KIF1A: variants seen among roughly 807,000 people sequenced by gnomAD.
The protein encoded by KIF1A is kinesin family member 1A, also known as kinesin-like protein KIF1A.
KIF1A carries 46 observed loss-of-function variants against 227.3 expected under a neutral mutation model. The ratio of observed to expected loss-of-function variants is 0.20; its 90% CI spans 0.16 to 0.26. The LOEUF (loss-of-function observed/expected upper bound fraction) is 0.26, where lower values mean the gene tolerates loss of function less well. Among genes scored for constraint, KIF1A ranks in the 10% least tolerant of loss-of-function variants. KIF1A has a pLI of 1.00. For synonymous variants in KIF1A, 1,022 were observed against 1,012.8 expected, an observed-to-expected ratio of 1.01 and a Z score of -0.17; for missense variants, 1,683 against 2,485.9, an observed-to-expected ratio of 0.68 and a Z score of 6.87.
At chr2:240,810,715 C>T (rs942572599) in intron 1 of KIF1A, among the ~76,000 whole-genome samples, 8 of 152,202 alleles carry the variant, frequency 5.3e-5, no homozygotes, top group Non-Finnish European at 2.9e-5. Flanking sequence ...ACAAGCAGCA[C>T]TCCACAGACT....
chr2:240,725,654 G>A lies in KIF1A; in HGVS notation c.4123-250C>T, dbSNP rs1575525993. 2.1e-6 allele frequency: 1 copy of A among 485,844 alleles called. No individual in the cohort carries two copies. The highest frequency in any genetic ancestry group is 3.7e-5 in the East Asian group (1 of 27,172). 30.1% of individuals were successfully genotyped at this position (485,844 alleles called of 1,614,324 possible). A position where few individuals can be genotyped will look rare whatever the true frequency, so the allele number is the denominator to read the frequency against. The stretch of plus-strand genomic sequence containing the variant: ...CCTGAGGGACTGGTCTCCATGTGTG[G>A]GGACCCCGAGGGTCCCAGACATAGG... On this transcript the variant is annotated intron_variant, in intron 39 of 48. Coordinates refer to ENST00000498729, the MANE Select transcript of KIF1A (RefSeq NM_001244008.2). This position sits in a 1 kb window ranked among gnomAD's most constrained non-coding sequence, Gnocchi z 5.8.
chr2:240,756,242 G>T (rs1192372847), intron 27 of KIF1A, among the ~76,000 whole-genome samples: 1 of 152,142 alleles, frequency 6.6e-6, no homozygotes, highest in Non-Finnish European at 1.5e-5. Context: ...CACTGGCCTA[G>T]CCCAGGGAAG....
chr2:240,747,385 G>T, intron 28 of KIF1A, 64 bp from the exon 29 acceptor site: 1 of 1,279,736 alleles, frequency 7.8e-7, no homozygotes, highest in Non-Finnish European at 1.1e-6. Context: ...TGTGGGCAGA[G>T]CCAGGCTGGG....
intron 10 of KIF1A, among the ~76,000 whole-genome samples, chr2:240,779,514 AG>A (rs1164192634): frequency 7.2e-6 from 1 of 138,826 alleles, no homozygotes; most frequent in Non-Finnish European, 1.5e-5. Flanking sequence ...TTCCACACTC[AG>A]TTCCTCACAG....
intron 17 of KIF1A, among the ~76,000 whole-genome samples, chr2:240,767,899 T>A (rs909689444): frequency 6.6e-6 from 1 of 152,178 alleles, no homozygotes; most frequent in African/African-American, 2.4e-5. Context: ...GAAGCAGTTG[T>A]GAAGGGATCC....
chr2:240,786,670 CACCACCAGGACCCCTGAGGGGATGGGA>C (rs1559529505), intron 5 of KIF1A, among the ~76,000 whole-genome samples, 157 bp from the exon 6 acceptor site: 10 of 130,292 alleles, frequency 7.7e-5, no homozygotes, highest in South Asian at 2.8e-4. Flanking sequence ...GGGTGGGGGC[CACCACCAGGACCCCTGAGGGGATGGGA>C]GCCAGCATCA....
In KIF1A at chr2:240,752,949, G is replaced by A. The variant is rs539669006; in HGVS notation, c.2859-2402C>T. ...GGCTAGAGCTGTCCAGGGCCACCCA[G>A]ACAGGGTCAGACACTACCTTTCCTA... On this transcript the variant is annotated intron_variant, in intron 27 of 48. Transcript: ENST00000498729. The surrounding 1 kb of genome is among the most constrained non-coding windows in gnomAD (Gnocchi z 6.4). 1.5e-4 allele frequency among the ~76,000 whole-genome samples: 23 copies of A among 152,132 alleles called. No homozygotes were observed. Among genetic ancestry groups the A allele is most frequent in the Non-Finnish European group, 3.2e-4 (22 of 68,016 alleles).
intron 34 of KIF1A, 75 bp downstream of exon 34, chr2:240,742,854 G>C: frequency 7.5e-7 from 1 of 1,331,570 alleles, no homozygotes; most frequent in Non-Finnish European, 1.1e-6. Flanking sequence ...CATTCACTGC[G>C]GGGGCCCAGC....
intron 10 of KIF1A, among the ~76,000 whole-genome samples, chr2:240,776,570 T>C (rs1443908209): frequency 2.6e-5 from 4 of 152,162 alleles, no homozygotes; most frequent in African/African-American, 9.7e-5. Flanking sequence ...AAATATGGAC[T>C]CCATCCACAT....
rs550483649 is a variant in KIF1A, at chr2:240,813,587, C to T, written c.-61+6535G>A. Reference sequence around the variant, plus strand: ...CAGTGAGCTGAAGAATGCAGTACCCCTCATTCTGATATGCAGGGGCAGCTT... The same window carrying T: ...CAGTGAGCTGAAGAATGCAGTACCCTTCATTCTGATATGCAGGGGCAGCTT... On this transcript the variant is annotated intron_variant, in intron 1 of 48. Coordinates refer to ENST00000498729, the MANE Select transcript of KIF1A (RefSeq NM_001244008.2). 5.3e-5 allele frequency among the ~76,000 whole-genome samples: 8 copies of T among 152,282 alleles called. No individual in the cohort carries two copies. The East Asian group carries it at 1.5e-3, about 29-fold the overall frequency.
chr2:240,760,326 C>T (rs1438640548), intron 25 of KIF1A, among the ~76,000 whole-genome samples: 2 of 152,270 alleles, frequency 1.3e-5, no homozygotes, highest in African/African-American at 4.8e-5. Flanking sequence ...GGCGCTCCGC[C>T]AGCCTGTTCT....
Position 240,742,803 on chromosome 2 carries a change from C to T in KIF1A, c.3640+126G>A, listed in dbSNP as rs946484407. On this transcript the variant is annotated intron_variant, in intron 34 of 48. Transcript: ENST00000498729. The stretch of plus-strand genomic sequence containing the variant: ...GAGGCCTGACAGGCTCAGGGTGGCG[C>T]CAGAGTGCCTGGGAGGGCACAGCCC... 1.2e-5 allele frequency: 10 copies of T among 853,636 alleles called. No individual in the cohort carries two copies. In the African/African-American group the frequency reaches 1.7e-4, roughly 14 times the overall value. The allele number at this position is 853,636 out of a possible 1,614,324, so 52.9% of individuals were successfully genotyped here. A position where few individuals can be genotyped will look rare whatever the true frequency, so the allele number is the denominator to read the frequency against.
At chr2:240,786,285 G>A (rs577513771) in intron 6 of KIF1A, 50 bp downstream of exon 6, 1 of 1,563,614 alleles carries the variant, frequency 6.4e-7, no homozygotes, top group Non-Finnish European at 8.8e-7. Flanking sequence ...CCTCCGGGGA[G>A]AGGCGGCAGG....
intron 28 of KIF1A, among the ~76,000 whole-genome samples, chr2:240,749,671 C>T (rs973592637): frequency 6.6e-6 from 1 of 152,052 alleles, no homozygotes; most frequent in Non-Finnish European, 1.5e-5. Context: ...TCTCAAGTAC[C>T]CTTCAACATT....
intron 10 of KIF1A, chr2:240,782,232 C>T (rs912119298): frequency 1.2e-4 from 122 of 981,432 alleles, no homozygotes; most frequent in Non-Finnish European, 1.3e-4. Context: ...GCCTGTCACC[C>T]GCTTCCTCTC....
In KIF1A at chr2:240,788,185, T is replaced by C. The variant is rs1443113499; in HGVS notation, c.229A>G (p.Ile77Val). Residue 77 changes from isoleucine to valine, a missense_variant, in exon 4 of 49, where the codon ATC (isoleucine) becomes GTC (valine). Around this residue, in one of 12 missense-constraint regions of KIF1A, gnomAD observed 71 missense variants for 129.1 expected, o/e 0.55. Coordinates refer to ENST00000498729, the MANE Select transcript of KIF1A (RefSeq NM_001244008.2). This position sits in a 1 kb window ranked among gnomAD's most constrained non-coding sequence, Gnocchi z 6.6. Reference protein sequence around the residue: ...YASQKQVYRDIGEEMLQHAFE... With the variant: ...YASQKQVYRDVGEEMLQHAFE... The stretch of plus-strand genomic sequence containing the variant: ...GCATGCTGCAGCATCTCCTCGCCGA[T>C]GTCCCGGTACACCTGCTTCTGCGAC... The C allele has an allele frequency of 2.5e-6, 4 of 1,613,784 alleles. No homozygotes were observed. The African/African-American group carries it at 4.0e-5, about 16-fold the overall frequency.
rs1156895150 is a variant in KIF1A, at chr2:240,752,166, G to GC, written c.2859-1620dup. ...CCAGCACAACGCCCCCTCTGAAGAT[G>GC]CCCCCCGAGAAGCGAGTACCCCACA... On this transcript the variant is annotated intron_variant, in intron 27 of 48. Transcript: ENST00000498729. The surrounding 1 kb of genome is among the most constrained non-coding windows in gnomAD (Gnocchi z 6.4). Among the ~76,000 whole-genome samples, 7 of 152,054 alleles carry GC rather than the reference G, an allele frequency of 4.6e-5. No homozygotes were observed. The highest frequency in any genetic ancestry group is 3.4e-3 in the Middle Eastern group (1 of 294).
At chr2:240,722,081 C>T (rs1370630671) in intron 43 of KIF1A, among the ~76,000 whole-genome samples, 197 bp from the exon 44 acceptor site, 2 of 152,146 alleles carry the variant, frequency 1.3e-5, no homozygotes, top group Admixed American at 6.5e-5. Context: ...GGTCAGGCAC[C>T]GGCTGAGGGC....
At chr2:240,819,562 A>C (rs1447784841) in intron 1 of KIF1A, among the ~76,000 whole-genome samples, 67 of 41,352 alleles carry the variant, frequency 1.6e-3, no homozygotes, top group South Asian at 2.9e-3. Flanking sequence ...GCCCTCCCCC[A>C]CCCCGGGAAC....
Sources: allele counts gnomAD v4.1 joint callset (sites outside exome capture counted in the v4.1 genomes callset), GRCh38; gene constraint gnomAD v4.1.1; regional missense constraint gnomAD v4.1.1; non-coding constraint Gnocchi (gnomAD v3.1); transcripts MANE v1.5; gene names NCBI Gene and HGNC (gene_info 2026-07-23, HGNC 2026-07-21).